Variants in CNTNAP3B observed in about 807,000 individuals in gnomAD.
CNTNAP3B encodes the protein contactin-associated protein-like 3B.
Under a neutral mutation model 108.9 loss-of-function variants are expected in CNTNAP3B, and 25 were observed. The ratio of observed to expected loss-of-function variants is 0.23; its 90% CI spans 0.17 to 0.32. The LOEUF is 0.32. Ranked by LOEUF, CNTNAP3B falls within the 10% of genes least tolerant of loss-of-function variation. CNTNAP3B has a pLI of 1.00. For synonymous variants in CNTNAP3B, 103 were observed against 473.4 expected (o/e 0.22, Z 10.16); for missense variants, 252 against 1,210.4 (o/e 0.21, Z 11.75).
At chr9:41,920,862 C>T (rs1483921886) in intron 17 of CNTNAP3B, among the ~76,000 whole-genome samples, 5 of 152,420 alleles carry the variant, frequency 3.3e-5, no homozygotes, top group African/African-American at 1.2e-4. Flanking sequence ...GACACCATAC[C>T]CCAGGATCTC....
At chr9:42,096,298 C>G (rs1447923314) in intron 2 of CNTNAP3B, among the ~76,000 whole-genome samples, 2 of 139,568 alleles carry the variant, frequency 1.4e-5, no homozygotes, top group Non-Finnish European at 3.1e-5. Flanking sequence ...AGGGCAGTCC[C>G]CACCTCTCTA....
At position 42,073,086 on chromosome 9, in the gene CNTNAP3B, G is replaced by A. The variant is rs1158927413; in HGVS notation, c.390+3783C>T. On this transcript the variant is annotated intron_variant, in intron 3 of 23. Coordinates refer to ENST00000377561, the MANE Select transcript of CNTNAP3B (RefSeq NM_001201380.3). ...AATTTTGCTTTTAGAATTAAAAATT[G>A]CAGATAAGCAACTGTGGATCTTTAA... Among the ~76,000 whole-genome samples, 4 of 137,586 alleles carry A rather than the reference G, an allele frequency of 2.9e-5. 1 individual carries two copies. The highest frequency in any genetic ancestry group is 6.2e-5 in the Non-Finnish European group (4 of 64,520). 90.3% of individuals were successfully genotyped at this position (137,586 alleles called of 152,430 possible). A position where few individuals can be genotyped will look rare whatever the true frequency, so the allele number is the denominator to read the frequency against.
intron 3 of CNTNAP3B, among the ~76,000 whole-genome samples, chr9:42,076,351 G>C (rs1456438968): frequency 7.6e-6 from 1 of 131,822 alleles, no homozygotes; most frequent in Non-Finnish European, 1.6e-5. Flanking sequence ...GTTTGAACCT[G>C]GGAGGCAGAG....
At chr9:41,977,291 G>A (rs1382412270) in intron 9 of CNTNAP3B, among the ~76,000 whole-genome samples, 53 of 151,408 alleles carry the variant, frequency 3.5e-4, no homozygotes, top group Non-Finnish European at 5.6e-4. Flanking sequence ...ACTTTATTTA[G>A]TATCACTTAA....
At chr9:41,924,433 A>G (rs1217119059) in intron 15 of CNTNAP3B, among the ~76,000 whole-genome samples, 1 of 152,306 alleles carries the variant, frequency 6.6e-6, no homozygotes, top group East Asian at 1.9e-4. Context: ...GAACTCGGTA[A>G]GATGTGAGAA....
At chr9:41,958,644 G>A (rs1238502585) in intron 12 of CNTNAP3B, among the ~76,000 whole-genome samples, 1 of 151,854 alleles carries the variant, frequency 6.6e-6, no homozygotes, top group Non-Finnish European at 1.5e-5. Flanking sequence ...ACCCTTACAT[G>A]GGACAGGATG....
intron 13 of CNTNAP3B, among the ~76,000 whole-genome samples, chr9:41,938,863 T>G (rs1355557255): frequency 6.6e-6 from 1 of 151,814 alleles, no homozygotes. Context: ...AGATATGGTA[T>G]TCTCTGTCAG....
intron 13 of CNTNAP3B, among the ~76,000 whole-genome samples, chr9:41,941,036 A>G (rs1260240853): frequency 6.6e-6 from 1 of 150,614 alleles, no homozygotes; most frequent in Non-Finnish European, 1.5e-5. Context: ...GATAATTGAC[A>G]CAAAAACTGT....
chr9:41,950,467 A>C, intron 13 of CNTNAP3B, among the ~76,000 whole-genome samples: 1 of 125,760 alleles, frequency 8.0e-6, no homozygotes, highest in Non-Finnish European at 1.7e-5. Flanking sequence ...TAATTGCCCC[A>C]AACTGTAAAC....
chr9:42,115,306 A>G (rs1412840617), intron 1 of CNTNAP3B, among the ~76,000 whole-genome samples: 1 of 133,304 alleles, frequency 7.5e-6, no homozygotes, highest in Non-Finnish European at 1.6e-5. Flanking sequence ...AGCTCCCAGC[A>G]TGAACGACGC....
intron 14 of CNTNAP3B, among the ~76,000 whole-genome samples, chr9:41,937,285 C>T (rs1327438269): frequency 1.6e-4 from 25 of 151,768 alleles, no homozygotes; most frequent in African/African-American, 6.1e-4. Context: ...CACAGCCACA[C>T]CTGGCTAATT....
Position 42,115,646 on chromosome 9 carries a change from AGG to A in CNTNAP3B, c.86-10909_86-10908del, listed in dbSNP as rs1828298784. On this transcript the variant is annotated intron_variant, in intron 1 of 23. Transcript: ENST00000377561. ...GCAAACTCCAACAGACCTGCAGCTG[AGG>A]GTCCTGACTCTTAGAAGGAAAACTA... 1.6e-5 allele frequency among the ~76,000 whole-genome samples: 2 copies of A among 121,952 alleles called. 1 individual carries two copies. The highest frequency in any genetic ancestry group is 6.9e-5 in the African/African-American group (2 of 29,088). 80.0% of individuals were successfully genotyped at this position (121,952 alleles called of 152,430 possible). A position where few individuals can be genotyped will look rare whatever the true frequency, so the allele number is the denominator to read the frequency against.
intron 3 of CNTNAP3B, among the ~76,000 whole-genome samples, chr9:42,029,509 C>A (rs1451883898): frequency 1.7e-5 from 2 of 119,740 alleles, no homozygotes. Context: ...AATAAACCAA[C>A]AAAGTATGAT....
In CNTNAP3B at chr9:42,121,859, A is replaced by T. The variant is rs1374473789; in HGVS notation, c.85+7151T>A. 3.4e-4 allele frequency among the ~76,000 whole-genome samples: 48 copies of T among 140,722 alleles called. 12 individuals carry two copies. The highest frequency in any genetic ancestry group is 3.2e-3 in the Middle Eastern group (1 of 312). 92.3% of individuals were successfully genotyped at this position (140,722 alleles called of 152,430 possible). On this transcript the variant is annotated intron_variant, in intron 1 of 23. Coordinates refer to ENST00000377561, the MANE Select transcript of CNTNAP3B (RefSeq NM_001201380.3). ...GAGATTTTAACCTACTTGCAAGCTA[A>T]CAAATGAGTCTGCCAGTTTGTTTCA...
chr9:41,941,276 A>G (rs1285913152), intron 13 of CNTNAP3B, among the ~76,000 whole-genome samples: 6 of 138,664 alleles, frequency 4.3e-5, no homozygotes, highest in Non-Finnish European at 9.0e-5. Flanking sequence ...GAATCAACTG[A>G]AAAAAAAATA....
chr9:42,099,370 G>C lies in CNTNAP3B; in HGVS notation c.196+5259C>G. 1.5e-5 allele frequency among the ~76,000 whole-genome samples: 2 copies of C among 131,944 alleles called. 1 individual carries two copies. Among genetic ancestry groups the C allele is most frequent in the Non-Finnish European group, 3.2e-5 (2 of 62,818 alleles). The allele number at this position is 131,944 out of a possible 152,430, so 86.6% of individuals were successfully genotyped here. A position where few individuals can be genotyped will look rare whatever the true frequency, so the allele number is the denominator to read the frequency against. The stretch of plus-strand genomic sequence containing the variant: ...TTCTACAGGAAAAACCTCTTGGAAA[G>C]AAAGTTTCGAATGTTGATGAGGTCC... On this transcript the variant is annotated intron_variant, in intron 2 of 23. Transcript: ENST00000377561.
chr9:42,127,643 G>A (rs1164679080), intron 1 of CNTNAP3B, among the ~76,000 whole-genome samples: 1 of 139,674 alleles, frequency 7.2e-6, no homozygotes, highest in Non-Finnish European at 1.5e-5. Context: ...AAGTAACAAC[G>A]TTTTATTCAC....
rs1326896703 is a variant in CNTNAP3B, at chr9:42,014,478, T to C, written c.391-953A>G. On this transcript the variant is annotated intron_variant, in intron 3 of 23. Coordinates refer to ENST00000377561, the MANE Select transcript of CNTNAP3B (RefSeq NM_001201380.3). ...ATGAAGAATGTCTCCTGCCTAATTATTTTGCTGTACTAAAGAATGTACCAG... is the reference window on the plus strand; with the variant it reads ...ATGAAGAATGTCTCCTGCCTAATTACTTTGCTGTACTAAAGAATGTACCAG... Among the ~76,000 whole-genome samples the C allele has an allele frequency of 6.2e-5, 6 of 96,058 alleles. 3 individuals carry two copies. The highest frequency in any genetic ancestry group is 2.3e-4 in the African/African-American group (6 of 25,534). The allele number at this position is 96,058 out of a possible 152,430, so 63.0% of individuals were successfully genotyped here. A position where few individuals can be genotyped will look rare whatever the true frequency, so the allele number is the denominator to read the frequency against.
intron 4 of CNTNAP3B, among the ~76,000 whole-genome samples, chr9:42,010,433 G>A (rs1469481600): frequency 6.9e-6 from 1 of 143,992 alleles, no homozygotes. Flanking sequence ...GGACATGGAG[G>A]GCAAGAGAGA....
Sources: gnomAD v4.1 joint callset for allele counts (sites outside exome capture counted in the v4.1 genomes callset) on GRCh38, gnomAD v4.1.1 for gene constraint, MANE v1.5 for transcripts, NCBI Gene and HGNC (gene_info 2026-07-23, HGNC 2026-07-21) for gene names.